Variants in SYNGR4 observed in about 807,000 individuals in gnomAD.
SYNGR4 encodes synaptogyrin 4, also known as synaptogyrin-4.
Under a neutral mutation model 15.5 loss-of-function variants are expected in SYNGR4, and 15 were observed. The observed-to-expected ratio is 0.97, with a 90% CI of 0.65 to 1.49. The LOEUF (loss-of-function observed/expected upper bound fraction) is 1.49. SYNGR4 is among the 40% of genes most tolerant of loss of function. The probability of loss-of-function intolerance (pLI) is 0.00; values close to 1 mark genes in which losing one functional copy is unlikely to be tolerated. For synonymous variants in SYNGR4, 121 were observed against 127.4 expected (o/e 0.95, Z 0.34); for missense variants, 292 against 299.3 (o/e 0.98, Z 0.18).
At chr19:48,366,926 G>A (rs969665767) in intron 2 of SYNGR4, among the ~76,000 whole-genome samples, 13 of 152,148 alleles carry the variant, frequency 8.5e-5, no homozygotes, top group Middle Eastern at 3.4e-3. Flanking sequence ...GGCCAAGGCA[G>A]GCAGATCATT....
intron 3 of SYNGR4, among the ~76,000 whole-genome samples, chr19:48,375,211 A>G (rs1970382474): frequency 6.6e-6 from 1 of 151,758 alleles, no homozygotes; most frequent in African/African-American, 2.4e-5. Flanking sequence ...TTTTCAGTAG[A>G]GACGGGGTTT....
chr19:48,376,241 A>G lies in SYNGR4; in HGVS notation c.628A>G (p.Ser210Gly), dbSNP rs1270729211. ...NMPTTGPNSL[S>G]YASSALSPCL... ...GCCCACCACTGGCCCCAACAGCCTG[A>G]GTTATGCTAGCTCTGCCCTGTCCCC... Residue 210 changes from serine (S) to glycine (G), a missense_variant, in exon 5 of 5, where the codon AGT becomes GGT. Coordinates refer to ENST00000344846, the MANE Select transcript of SYNGR4 (RefSeq NM_012451.4). The G allele has an allele frequency of 6.2e-7, 1 of 1,614,036 alleles. No homozygotes were observed. The highest frequency in any genetic ancestry group is 1.1e-5 in the South Asian group (1 of 91,078).
upstream of SYNGR4, chr19:48,364,317 C>A: frequency 4.1e-6 from 1 of 244,754 alleles, no homozygotes; most frequent in Non-Finnish European, 7.9e-6. Context: ...CGCAGCCAAT[C>A]AGCTGTGGAG....
rs1432262727 is a variant in SYNGR4, at chr19:48,376,239, T to C, written c.626T>C (p.Leu209Pro). The part of the protein sequence containing the change: ...VNMPTTGPNS[L>P]SYASSALSPC... Reference sequence around the variant, plus strand: ...ATGCCCACCACTGGCCCCAACAGCCTGAGTTATGCTAGCTCTGCCCTGTCC... The same window carrying C: ...ATGCCCACCACTGGCCCCAACAGCCCGAGTTATGCTAGCTCTGCCCTGTCC... The change falls in exon 5 of 5, where the codon CTG becomes CCG. Residue 209 changes from leucine to proline, a missense_variant. Physicochemically the swap from Leu to Pro is moderately conservative, Grantham distance 98. Coordinates refer to ENST00000344846, the MANE Select transcript of SYNGR4 (RefSeq NM_012451.4). 6.2e-7 allele frequency: 1 copy of C among 1,614,084 alleles called. No homozygotes were observed. The highest frequency in any genetic ancestry group is 1.7e-5 in the Admixed American group (1 of 60,004).
rs1970394946 is a variant in SYNGR4 at position 48,375,914 on chromosome 19, G to C, written c.471+162G>C. The C allele has an allele frequency of 3.3e-6, 5 of 1,512,380 alleles. No individual in the cohort carries two copies. The Admixed American group carries it at 1.2e-4, about 37-fold the overall frequency. 93.7% of individuals were successfully genotyped at this position (1,512,380 alleles called of 1,614,324 possible). A position where few individuals can be genotyped will look rare whatever the true frequency, so the allele number is the denominator to read the frequency against. On this transcript the variant is annotated intron_variant, in intron 4 of 4. Transcript: ENST00000344846. ...GTCCCTTCCAGGTGCCGCTTCCTCT[G>C]AGCAGCCACAGCCCAGCATCAGGGC...
Position 48,367,152 on chromosome 19 carries a change from G to T in SYNGR4, c.93+1217G>T, listed in dbSNP as rs367556059. Among the ~76,000 whole-genome samples, 292 of 151,484 alleles carry T rather than the reference G, an allele frequency of 1.9e-3. 2 individuals are homozygous for T. The highest frequency in any genetic ancestry group is 6.8e-3 in the African/African-American group (279 of 41,222). On this transcript the variant is annotated intron_variant, in intron 2 of 4. Coordinates refer to ENST00000344846, the MANE Select transcript of SYNGR4 (RefSeq NM_012451.4). ...CTCAAAAAAAAAAAAAAAAATTGTGGCTGGGCACGGTGGCTCACACCTGTA... is the reference window on the plus strand; with the variant it reads ...CTCAAAAAAAAAAAAAAAAATTGTGTCTGGGCACGGTGGCTCACACCTGTA...
rs200335257 is a variant in SYNGR4 at position 48,376,249 on chromosome 19, T to C, written c.636T>C (p.Ala212=). ...CTGGCCCCAACAGCCTGAGTTATGC[T>C]AGCTCTGCCCTGTCCCCCTGTCTGA... ...PTTGPNSLSY[A]SSALSPCLTA... Residue 212 remains alanine, a synonymous_variant, in exon 5 of 5, where the codon GCT becomes GCC. Transcript: ENST00000344846. 3.0e-4 allele frequency: 478 copies of C among 1,614,106 alleles called. 1 individual carries two copies. Among genetic ancestry groups the C allele is most frequent in the Middle Eastern group, 5.0e-4 (3 of 6,060 alleles).
intron 4 of SYNGR4, 119 bp from the exon 5 acceptor site, chr19:48,375,966 C>A (rs1569048304): frequency 6.4e-7 from 1 of 1,552,002 alleles, no homozygotes; most frequent in Admixed American, 2.1e-5. Context: ...GGCTCCTGGG[C>A]AGTGAGCAGT....
intron 2 of SYNGR4, among the ~76,000 whole-genome samples, chr19:48,368,374 A>AT (rs926503523): frequency 2.6e-5 from 4 of 151,432 alleles, no homozygotes; most frequent in Non-Finnish European, 4.4e-5. Flanking sequence ...TTCCTTAGTG[A>AT]TTTTTTTTTC....
chr19:48,365,923 G>A lies in SYNGR4; in HGVS notation c.81G>A (p.Arg27=). 6.2e-7 allele frequency: 1 copy of A among 1,613,604 alleles called. No individual in the cohort carries two copies. Among genetic ancestry groups the A allele is most frequent in the Non-Finnish European group, 8.5e-7 (1 of 1,179,942 alleles). The part of the protein sequence containing the change: ...QFLRRPKTIT[R]VFEGVFSLIV... ...TGAGAAGGCCCAAGACCATCACGCG[G>A]GTCTTCGAAGGGGTGAGGCCCTCCC... The change falls in exon 2 of 5, where the codon CGG becomes CGA. Residue 27 remains arginine, a synonymous_variant. Transcript: ENST00000344846.
At chr19:48,372,778 G>T (rs1326549109) in intron 2 of SYNGR4, among the ~76,000 whole-genome samples, 1 of 152,212 alleles carries the variant, frequency 6.6e-6, no homozygotes, top group African/African-American at 2.4e-5. Context: ...GTGACACTGG[G>T]TGTTTCTTAT....
At chr19:48,374,036 C>T (rs988062508) in intron 3 of SYNGR4, among the ~76,000 whole-genome samples, 4 of 151,842 alleles carry the variant, frequency 2.6e-5, no homozygotes, top group Non-Finnish European at 5.9e-5. Flanking sequence ...CTGCCCCGTG[C>T]CTTCTTTGCA....
At chr19:48,370,430 C>T (rs1386966424) in intron 2 of SYNGR4, among the ~76,000 whole-genome samples, 1 of 152,040 alleles carries the variant, frequency 6.6e-6, no homozygotes, top group Non-Finnish European at 1.5e-5. Flanking sequence ...CTGCAGTGAG[C>T]CGTGATCACG....
rs1438907942 is a variant in SYNGR4 at position 48,373,595 on chromosome 19, A to G, written c.172A>G (p.Ile58Val). The G allele has an allele frequency of 2.5e-6, 4 of 1,613,752 alleles. No individual in the cohort carries two copies. The highest frequency in any genetic ancestry group is 2.7e-5 in the African/African-American group (2 of 74,910). Reference protein sequence around the residue: ...NKMESPQLHCILNSNSVACSF... With the variant: ...NKMESPQLHCVLNSNSVACSF... ...GATGGAGTCTCCGCAGCTCCACTGCATTCTCAACAGCAACAGCGTGGCCTG... is the reference window on the plus strand; with the variant it reads ...GATGGAGTCTCCGCAGCTCCACTGCGTTCTCAACAGCAACAGCGTGGCCTG... Residue 58 changes from isoleucine to valine, a missense_variant, in exon 3 of 5, where the codon ATT becomes GTT. Coordinates refer to ENST00000344846, the MANE Select transcript of SYNGR4 (RefSeq NM_012451.4).
chr19:48,374,180 C>T (rs1003854826), intron 3 of SYNGR4, among the ~76,000 whole-genome samples: 6 of 150,970 alleles, frequency 4.0e-5, no homozygotes, highest in Admixed American at 6.6e-5. Context: ...CGGGTTCAAG[C>T]GATTCTCCTG....
chr19:48,370,416 G>A (rs1158917707), intron 2 of SYNGR4, among the ~76,000 whole-genome samples: 5 of 152,056 alleles, frequency 3.3e-5, no homozygotes, highest in African/African-American at 7.2e-5. Context: ...CCAGGAGGTC[G>A]AGGCTGCAGT....
In SYNGR4 at chr19:48,376,353, C is replaced by T; in HGVS notation, c.*35C>T. Reference sequence around the variant, plus strand: ...TCCAAATCAATAAAGAGAGAATCCTCCCTCCAGAAGGGTTTCTAAAAACAG... The same window carrying T: ...TCCAAATCAATAAAGAGAGAATCCTTCCTCCAGAAGGGTTTCTAAAAACAG... On this transcript the variant is annotated 3_prime_UTR_variant, in exon 5 of 5. Coordinates refer to ENST00000344846, the MANE Select transcript of SYNGR4 (RefSeq NM_012451.4). The T allele has an allele frequency of 1.9e-6, 3 of 1,603,748 alleles. No individual in the cohort carries two copies. Among genetic ancestry groups the T allele is most frequent in the East Asian group, 2.3e-5 (1 of 44,226 alleles).
chr19:48,365,282 C>CT (rs1970181931), intron 1 of SYNGR4, among the ~76,000 whole-genome samples: 1 of 134,776 alleles, frequency 7.4e-6, no homozygotes, highest in African/African-American at 3.0e-5. Flanking sequence ...CTGGGAACCC[C>CT]CAGCACCCGC....
At chr19:48,367,212 C>T (rs965651053) in intron 2 of SYNGR4, among the ~76,000 whole-genome samples, 6 of 151,368 alleles carry the variant, frequency 4.0e-5, no homozygotes, top group East Asian at 1.9e-4. Context: ...GCGGGCGGAT[C>T]GTGAGGTGAG....
Sources: gnomAD v4.1 joint callset for allele counts (sites outside exome capture counted in the v4.1 genomes callset) on GRCh38, gnomAD v4.1.1 for gene constraint, MANE v1.5 for transcripts, NCBI Gene and HGNC (gene_info 2026-07-23, HGNC 2026-07-21) for gene names.